The following PYY variants were observed in gnomAD, a reference collection of about 807,000 sequenced individuals.
PYY encodes peptide tyrosine tyrosine.
Under a neutral mutation model 10.3 loss-of-function variants are expected in PYY, and 12 were observed. That is an observed-to-expected ratio of 1.17 (90% CI 0.75 to 1.89). PYY has a LOEUF of 1.89. PYY is among the 40% of genes most tolerant of loss of function. The pLI, the probability that PYY is intolerant of heterozygous loss-of-function variation, is 0.00. For synonymous variants in PYY, 66 were observed against 62.0 expected, an observed-to-expected ratio of 1.06 and a Z score of -0.30; for missense variants, 141 against 134.0, an observed-to-expected ratio of 1.05 and a Z score of -0.26.
chr17:44,001,855 G>T (rs923703268), intron 1 of PYY, among the ~76,000 whole-genome samples: 15 of 152,178 alleles, frequency 9.9e-5, no homozygotes, highest in Non-Finnish European at 1.5e-4. Flanking sequence ...AGTGGAGAGG[G>T]GTCAGCAGGG....
intron 1 of PYY, among the ~76,000 whole-genome samples, chr17:43,986,754 C>T (rs1013106659): frequency 1.3e-5 from 2 of 152,206 alleles, no homozygotes; most frequent in Non-Finnish European, 2.9e-5. Context: ...CCACCGTCAG[C>T]GCAGCCTGCG....
chr17:43,984,040 C>A (rs1189711659), intron 1 of PYY, among the ~76,000 whole-genome samples: 1 of 152,216 alleles, frequency 6.6e-6, no homozygotes, highest in African/African-American at 2.4e-5. Flanking sequence ...CATTTGCACG[C>A]CCCGGCCGCC....
chr17:43,953,097 G>T lies in PYY; in HGVS notation c.269+12C>A. ...TCTCGGATGCAGGATGTGTGGTAAC[G>T]GGCGCTTTTACCGCGACCTGACGGG... On this transcript the variant is annotated intron_variant, in intron 3 of 3. Transcript: ENST00000692052. 1.2e-6 allele frequency: 2 copies of T among 1,613,630 alleles called. No homozygotes were observed. Among genetic ancestry groups the T allele is most frequent in the Non-Finnish European group, 8.5e-7 (1 of 1,179,746 alleles).
chr17:43,966,857 G>A (rs1266834918), intron 1 of PYY, among the ~76,000 whole-genome samples: 1 of 152,174 alleles, frequency 6.6e-6, no homozygotes, highest in Non-Finnish European at 1.5e-5. Flanking sequence ...TGAATGAATG[G>A]ATCCACATCC....
intron 2 of PYY, among the ~76,000 whole-genome samples, chr17:43,963,646 A>AAAGAAAGAAAAG (rs2048734931): frequency 6.7e-6 from 1 of 149,612 alleles, no homozygotes; most frequent in African/African-American, 2.5e-5. Context: ...GAAAAGAGAG[A>AAAGAAAGAAAAG]ACAGAGAGAA....
At chr17:43,983,572 T>A (rs1242285977) in intron 1 of PYY, among the ~76,000 whole-genome samples, 1 of 152,180 alleles carries the variant, frequency 6.6e-6, no homozygotes, top group Non-Finnish European at 1.5e-5. Flanking sequence ...ATGAGGACCA[T>A]GCCCTGGGGG....
chr17:43,976,414 TATACATATAC>T (rs2048847920), intron 1 of PYY, among the ~76,000 whole-genome samples: 1 of 68,936 alleles, frequency 1.5e-5, no homozygotes, highest in African/African-American at 4.1e-5. Flanking sequence ...CATATTCATG[TATACATATAC>T]ATATATACAC....
At chr17:43,959,159 G>A (rs1014204482) in intron 2 of PYY, among the ~76,000 whole-genome samples, 14 of 152,144 alleles carry the variant, frequency 9.2e-5, no homozygotes, top group African/African-American at 2.7e-4. Context: ...AGAAAAATTC[G>A]TGCCTCAATG....
At chr17:43,973,766 G>T (rs917073626) in intron 1 of PYY, among the ~76,000 whole-genome samples, 13 of 152,216 alleles carry the variant, frequency 8.5e-5, no homozygotes, top group Admixed American at 5.9e-4. Flanking sequence ...CTGCACTCCA[G>T]CCTGGGTGAC....
chr17:43,973,244 C>T (rs403187), intron 1 of PYY, among the ~76,000 whole-genome samples: 1 of 152,152 alleles, frequency 6.6e-6, no homozygotes, highest in African/African-American at 2.4e-5. Context: ...TCCTGGCTTC[C>T]TAGGCAAGCC....
upstream of PYY, among the ~76,000 whole-genome samples, chr17:43,955,439 G>A (rs2048665638): frequency 6.6e-6 from 1 of 152,274 alleles, no homozygotes; most frequent in African/African-American, 2.4e-5. Flanking sequence ...CATTTTATGG[G>A]TTCAATCACC....
rs1324333974 is a variant in PYY, at chr17:43,975,813, TACATAC to T, written c.-462-9287_-462-9282del. 1.8e-3 allele frequency among the ~76,000 whole-genome samples: 228 copies of T among 128,264 alleles called. 69 individuals are homozygous for T. The highest frequency in any genetic ancestry group is 3.3e-3 in the Non-Finnish European group (191 of 58,206). 84.1% of individuals were successfully genotyped at this position (128,264 alleles called of 152,430 possible). On this transcript the variant is annotated intron_variant, in intron 1 of 6. Coordinates refer to the PYY transcript ENST00000360085. ...GTACATACACGTGTCTACGTACGTG[TACATAC>T]ACGTGTCTACGTACGTGTACATACA...
rs1026456050 is a variant in PYY at position 43,953,161 on chromosome 17, G to A, written c.217C>T (p.Leu73Phe). 1 of 1,613,968 alleles carries A rather than the reference G, an allele frequency of 6.2e-7. No homozygotes were observed. Among genetic ancestry groups the A allele is most frequent in the Non-Finnish European group, 8.5e-7 (1 of 1,179,876 alleles). ...RYGKRDGPDT[L>F]LSKTFFPDGE... is the part of the protein sequence containing the mutation. Reference sequence around the variant, plus strand: ...TCGGGGAAGAACGTTTTGGAAAGAAGCGTGTCCGGGCCGTCTCTTTTCCCA... The same window carrying A: ...TCGGGGAAGAACGTTTTGGAAAGAAACGTGTCCGGGCCGTCTCTTTTCCCA... The change falls in exon 3 of 4, where the codon CTT (leucine) becomes TTT (phenylalanine). Residue 73 changes from leucine (L) to phenylalanine (F), a missense_variant. Transcript: ENST00000692052.
At chr17:43,994,029 T>C (rs1257251236) in intron 1 of PYY, among the ~76,000 whole-genome samples, 2 of 151,920 alleles carry the variant, frequency 1.3e-5, no homozygotes, top group African/African-American at 4.8e-5. Flanking sequence ...AATTTTCAAA[T>C]TATTTGTAGA....
intron 1 of PYY, among the ~76,000 whole-genome samples, chr17:43,989,482 T>A (rs2048938433): frequency 6.6e-6 from 1 of 152,102 alleles, no homozygotes; most frequent in African/African-American, 2.4e-5. Context: ...CATTTCACAT[T>A]CCCACCCAGA....
At chr17:43,970,427 A>G (rs1453020453) in intron 1 of PYY, among the ~76,000 whole-genome samples, 1 of 152,028 alleles carries the variant, frequency 6.6e-6, no homozygotes, top group Non-Finnish European at 1.5e-5. Context: ...GAATTGCTTG[A>G]ATCCAGGAGG....
rs572586333 is a variant in PYY, at chr17:43,952,838, C to T, written c.*118G>A. 3 of 1,221,034 alleles carry T rather than the reference C, an allele frequency of 2.5e-6. No individual in the cohort carries two copies. Among genetic ancestry groups the T allele is most frequent in the East Asian group, 2.7e-5 (1 of 37,644 alleles). The allele number at this position is 1,221,034 out of a possible 1,614,324, so 75.6% of individuals were successfully genotyped here. ...ACCGAGACGCGGGCGGAGGGCCGCA[C>T]CCGAACCCTGCCCAGACGCCGCCGT... On this transcript the variant is annotated 3_prime_UTR_variant, in exon 4 of 4. Transcript: ENST00000692052.
chr17:43,966,441 G>A (rs1238986175), exon 2 of PYY: 2 of 152,504 alleles, frequency 1.3e-5, no homozygotes, highest in African/African-American at 2.4e-5. Flanking sequence ...GAAGGAGCAT[G>A]CAGTTCTGAG....
chr17:43,957,065 G>A (rs377399682), upstream of PYY, among the ~76,000 whole-genome samples: 11 of 151,944 alleles, frequency 7.2e-5, no homozygotes, highest in African/African-American at 2.7e-4. Flanking sequence ...AAGCGTCGTG[G>A]CGCATGCCTG....
Sources: gnomAD v4.1 joint callset for allele counts (sites outside exome capture counted in the v4.1 genomes callset) on GRCh38, gnomAD v4.1.1 for gene constraint, MANE v1.5 for transcripts, NCBI Gene and HGNC (gene_info 2026-07-23, HGNC 2026-07-21) for gene names.